Variants in DLGAP4 observed in about 807,000 individuals in gnomAD.
The protein encoded by DLGAP4 is disks large-associated protein 4.
In DLGAP4, 18 loss-of-function variants were observed where a neutral mutation model predicts 86.9. The ratio of observed to expected loss-of-function variants is 0.21; its 90% confidence interval spans 0.14 to 0.31. The LOEUF is 0.31. DLGAP4 is among the 10% of genes least tolerant of loss of function. The probability of loss-of-function intolerance (pLI) is 1.00; values close to 1 mark genes in which losing one functional copy is unlikely to be tolerated. For synonymous variants in DLGAP4, 548 were observed against 574.3 expected, an observed-to-expected ratio of 0.95 and a Z score of 0.65; for missense variants, 1,085 against 1,362.6, an observed-to-expected ratio of 0.80 and a Z score of 3.21.
chr20:36,456,040 T>C (rs1157123796), intron 7 of DLGAP4, among the ~76,000 whole-genome samples: 1 of 152,180 alleles, frequency 6.6e-6, no homozygotes, highest in African/African-American at 2.4e-5. Flanking sequence ...TTCTGAGATT[T>C]GGTTAAGCAA....
chr20:36,340,820 C>A (rs890652421), intron 1 of DLGAP4, among the ~76,000 whole-genome samples: 1 of 152,186 alleles, frequency 6.6e-6, no homozygotes, highest in African/African-American at 2.4e-5. Flanking sequence ...GCAGGTGCTG[C>A]GATCCAGCGG....
intron 7 of DLGAP4, among the ~76,000 whole-genome samples, chr20:36,475,319 C>G (rs1452185658): frequency 6.6e-6 from 1 of 152,066 alleles, no homozygotes; most frequent in Non-Finnish European, 1.5e-5. Flanking sequence ...CAAGTGATTC[C>G]CCTGCCTCAG....
intron 7 of DLGAP4, among the ~76,000 whole-genome samples, chr20:36,475,945 C>A (rs186812746): frequency 2.6e-5 from 4 of 151,926 alleles, no homozygotes; most frequent in African/African-American, 4.8e-5. Flanking sequence ...CTGCAACCTT[C>A]GCCTCCCGGG....
At chr20:36,326,862 T>G (rs1172705308) in intron 1 of DLGAP4, among the ~76,000 whole-genome samples, 7 of 152,238 alleles carry the variant, frequency 4.6e-5, no homozygotes, top group African/African-American at 1.7e-4. Flanking sequence ...AACAGATTTT[T>G]TTTTCTGTAT....
At chr20:36,331,692 T>C (rs1173289230) in intron 1 of DLGAP4, among the ~76,000 whole-genome samples, 2 of 152,248 alleles carry the variant, frequency 1.3e-5, no homozygotes, top group African/African-American at 4.8e-5. Flanking sequence ...GCACCTACTG[T>C]GTGCCCTGGA....
chr20:36,427,392 C>T (rs547421675), intron 2 of DLGAP4, among the ~76,000 whole-genome samples: 8 of 149,322 alleles, frequency 5.4e-5, no homozygotes, highest in Non-Finnish European at 1.0e-4. Flanking sequence ...GCAGGAGAAT[C>T]GGTTGAACCT....
At chr20:36,385,753 C>T (rs1305305872) in intron 2 of DLGAP4, among the ~76,000 whole-genome samples, 3 of 152,236 alleles carry the variant, frequency 2.0e-5, no homozygotes, top group Non-Finnish European at 4.4e-5. Flanking sequence ...CTCAGCCACC[C>T]TCTCTCCAGG....
At chr20:36,313,729 A>T (rs1476763324) in intron 1 of DLGAP4, among the ~76,000 whole-genome samples, 1 of 8 alleles carries the variant, frequency 0.12, no homozygotes, top group Non-Finnish European at 0.25. Context: ...CATCCGTTTT[A>T]ACATCTGGGG....
intron 7 of DLGAP4, among the ~76,000 whole-genome samples, chr20:36,456,837 C>A (rs2033891097): frequency 6.6e-6 from 1 of 152,240 alleles, no homozygotes; most frequent in Non-Finnish European, 1.5e-5. Context: ...TGTATCCCCT[C>A]AGGGGGTAGA....
At chr20:36,383,867 C>T (rs556298596) in intron 2 of DLGAP4, among the ~76,000 whole-genome samples, 2 of 151,040 alleles carry the variant, frequency 1.3e-5, no homozygotes, top group African/African-American at 2.4e-5. Flanking sequence ...CCCAGCTACT[C>T]GGGAGGCTGA....
chr20:36,439,750 C>T lies in DLGAP4; in HGVS notation c.1242-4C>T. 6.2e-7 allele frequency: 1 copy of T among 1,612,050 alleles called. No individual in the cohort carries two copies. The highest frequency in any genetic ancestry group is 8.5e-7 in the Non-Finnish European group (1 of 1,179,382). Reference sequence around the variant, plus strand: ...AGCCCTGTCTGCTCCCCACTCCCCACCAGGAGTCTGGACCGCCTGGATTCA... The same window carrying T: ...AGCCCTGTCTGCTCCCCACTCCCCATCAGGAGTCTGGACCGCCTGGATTCA... On this transcript the variant is annotated splice_polypyrimidine_tract_variant and splice_region_variant and intron_variant, in intron 4 of 12. Transcript: ENST00000339266.
intron 1 of DLGAP4, 51 bp from the exon 2 acceptor site, chr20:36,366,994 G>A (rs2030711140): frequency 6.6e-6 from 1 of 152,180 alleles, no homozygotes; most frequent in Non-Finnish European, 1.5e-5. Context: ...GTCTCAGGTG[G>A]AGGGCTTACC....
chr20:36,499,152 A>C, intron 8 of DLGAP4: 1 of 1,283,056 alleles, frequency 7.8e-7, no homozygotes, highest in Non-Finnish European at 1.1e-6. Context: ...CTTCAACTAC[A>C]CCAGATAACG....
At chr20:36,357,643 A>G (rs971916147) in intron 1 of DLGAP4, among the ~76,000 whole-genome samples, 3 of 152,222 alleles carry the variant, frequency 2.0e-5, no homozygotes, top group East Asian at 3.9e-4. Context: ...TAGGAAGTGC[A>G]TAGAAATGCC....
chr20:36,449,948 C>CA (rs1416686317), intron 7 of DLGAP4, among the ~76,000 whole-genome samples: 1 of 152,216 alleles, frequency 6.6e-6, no homozygotes, highest in Non-Finnish European at 1.5e-5. Context: ...CTCCTGGGAC[C>CA]AAAGAGTCCT....
rs536234081 is a variant in DLGAP4 at position 36,408,216 on chromosome 20, G to A, written c.-72-23430G>A. 4.0e-4 allele frequency among the ~76,000 whole-genome samples: 61 copies of A among 151,954 alleles called. 1 individual carries two copies. The highest frequency in any genetic ancestry group is 4.6e-4 in the Admixed American group (7 of 15,252). On this transcript the variant is annotated intron_variant, in intron 2 of 12. Coordinates refer to ENST00000339266, the MANE Select transcript of DLGAP4 (RefSeq NM_001365621.2). ...GGGGTTTGTTTGGGAGATAATCCCCGGAAACTATGGTAGGGGAGTGAGAAA... is the reference window on the plus strand; with the variant it reads ...GGGGTTTGTTTGGGAGATAATCCCCAGAAACTATGGTAGGGGAGTGAGAAA...
At position 36,359,589 on chromosome 20, in the gene DLGAP4, C is replaced by A. The variant is rs1600432184; in HGVS notation, c.-303-7456C>A. Among the ~76,000 whole-genome samples the A allele has an allele frequency of 3.3e-5, 5 of 152,304 alleles. No individual in the cohort carries two copies. The South Asian group carries it at 1.0e-3, about 32-fold the overall frequency. ...TGCTGTGTAGCCTGAGGCAAAGGAA[C>A]TTCCTTCTCCTTTCTGAGGCTCGGT... On this transcript the variant is annotated intron_variant, in intron 1 of 12. Transcript: ENST00000339266.
rs995317980 is a variant in DLGAP4 at position 36,462,287 on chromosome 20, TTC to T, written c.1648+15357_1648+15358del. 109 of 1,312,830 alleles carry T rather than the reference TTC, an allele frequency of 8.3e-5. 1 individual carries two copies. Among genetic ancestry groups the T allele is most frequent in the Non-Finnish European group, 9.9e-5 (103 of 1,037,790 alleles). 81.3% of individuals were successfully genotyped at this position (1,312,830 alleles called of 1,614,324 possible). A position where few individuals can be genotyped will look rare whatever the true frequency, so the allele number is the denominator to read the frequency against. On this transcript the variant is annotated intron_variant, in intron 7 of 12. Transcript: ENST00000339266. ...TGTCCCCTGTCGCTGTCTCTCCTTG[TTC>T]TCTCTCAGGTCTCCGAGCACCCCCA...
intron 1 of DLGAP4, among the ~76,000 whole-genome samples, chr20:36,364,873 T>A (rs2030630108): frequency 6.6e-6 from 1 of 152,002 alleles, no homozygotes. Context: ...GGTGGATGGA[T>A]CACTTGAGGC....
Sources: gnomAD v4.1 joint callset for allele counts (sites outside exome capture counted in the v4.1 genomes callset) on GRCh38, gnomAD v4.1.1 for gene constraint, MANE v1.5 for transcripts, NCBI Gene and HGNC (gene_info 2026-07-23, HGNC 2026-07-21) for gene names.